WDR91: variants seen among roughly 807,000 people sequenced by gnomAD.
WDR91 encodes the protein WD repeat domain 91.
WDR91 carries 52 observed loss-of-function variants against 88.4 expected under a neutral mutation model. The ratio of observed to expected loss-of-function variants is 0.59; its 90% confidence interval spans 0.47 to 0.74. The LOEUF (loss-of-function observed/expected upper bound fraction) is 0.74, where lower values mean the gene tolerates loss of function less well. WDR91 is among the 30% of genes least tolerant of loss of function. The pLI is 0.00. For synonymous variants in WDR91, 362 were observed against 389.5 expected, an observed-to-expected ratio of 0.93 and a Z score of 0.83; for missense variants, 824 against 954.5, an observed-to-expected ratio of 0.86 and a Z score of 1.80.
intron 6 of WDR91, among the ~76,000 whole-genome samples, chr7:135,203,764 A>C (rs1243307153): frequency 6.6e-6 from 1 of 152,094 alleles, no homozygotes; most frequent in African/African-American, 2.4e-5. Context: ...AAGAGGGGAG[A>C]CTCTTCAAAG....
At chr7:135,198,326 T>A in intron 6 of WDR91, 175 bp from the exon 7 acceptor site, 1 of 635,628 alleles carries the variant, frequency 1.6e-6, no homozygotes, top group Non-Finnish European at 2.6e-6. Flanking sequence ...TATGACCTCC[T>A]CCTTTCTGTC....
rs1830923215 is a variant in WDR91, at chr7:135,186,031, T to A, written c.*120A>T. On this transcript the variant is annotated 3_prime_UTR_variant, in exon 15 of 15. Coordinates refer to ENST00000354475, the MANE Select transcript of WDR91 (RefSeq NM_014149.4). Reference sequence around the variant, plus strand: ...GCACCTGAGCCTCCTTGCCAGTCTTTCCCTGCAGAGTCACTGCACTGGCAG... The same window carrying A: ...GCACCTGAGCCTCCTTGCCAGTCTTACCCTGCAGAGTCACTGCACTGGCAG... The A allele has an allele frequency of 3.3e-6, 4 of 1,215,128 alleles. No homozygotes were observed. In the East Asian group the frequency reaches 8.4e-5, roughly 26 times the overall value. 75.3% of individuals were successfully genotyped at this position (1,215,128 alleles called of 1,614,324 possible). A position where few individuals can be genotyped will look rare whatever the true frequency, so the allele number is the denominator to read the frequency against.
At chr7:135,210,918 T>C in intron 1 of WDR91, 1 of 703,684 alleles carries the variant, frequency 1.4e-6, no homozygotes, top group South Asian at 1.5e-5. Flanking sequence ...AGAAGCAAAA[T>C]TGCCGATGAG....
intron 1 of WDR91, 73 bp downstream of exon 1, chr7:135,211,307 A>C (rs959376943): frequency 1.2e-5 from 18 of 1,525,520 alleles, no homozygotes; most frequent in Non-Finnish European, 1.6e-5. Flanking sequence ...CCCCGGAGGC[A>C]GTGCTGGGGG....
chr7:135,207,455 G>A, intron 3 of WDR91: 1 of 488,372 alleles, frequency 2.0e-6, no homozygotes, highest in South Asian at 1.5e-5. Flanking sequence ...AGCCCACAGA[G>A]GGGACATAAA....
chr7:135,208,877 G>C lies in WDR91; in HGVS notation c.425C>G (p.Thr142Ser). Residue 142 changes from threonine to serine, a missense_variant, in exon 3 of 15, where the codon ACC (threonine) becomes AGC (serine). Coordinates refer to ENST00000354475, the MANE Select transcript of WDR91 (RefSeq NM_014149.4). ...CTGTCGAGAAAAGTAGGTAGCAAAGGTGGGGTTGGTGTCCGGGGATGGCAG... is the reference window on the plus strand; with the variant it reads ...CTGTCGAGAAAAGTAGGTAGCAAAGCTGGGGTTGGTGTCCGGGGATGGCAG... ...PFLPSPDTNP[T>S]FATYFSRQWA... 1.9e-6 allele frequency: 3 copies of C among 1,614,188 alleles called. No individual in the cohort carries two copies. The highest frequency in any genetic ancestry group is 2.5e-6 in the Non-Finnish European group (3 of 1,180,036).
At position 135,185,497 on chromosome 7, in the gene WDR91, G is replaced by A. The variant is rs988916817; in HGVS notation, c.*654C>T. ...GGATGGAAAGGGGCAGCCAGTAGCA[G>A]AGGCCTCAGCCCCTGCCTTCATCCT... On this transcript the variant is annotated 3_prime_UTR_variant, in exon 15 of 15. Transcript: ENST00000354475. 5 of 152,242 alleles carry A rather than the reference G, an allele frequency of 3.3e-5. No homozygotes were observed. The highest frequency in any genetic ancestry group is 1.2e-4 in the African/African-American group (5 of 41,464). The allele number at this position is 152,242 out of a possible 1,614,324, so 9.4% of individuals were successfully genotyped here.
chr7:135,183,993 CTT>C lies in WDR91; in HGVS notation c.*2156_*2157del, dbSNP rs1830850127. 1.3e-5 allele frequency: 2 copies of C among 152,100 alleles called. No individual in the cohort carries two copies. Among genetic ancestry groups the C allele is most frequent in the Admixed American group, 1.3e-4 (2 of 15,270 alleles). 9.4% of individuals were successfully genotyped at this position (152,100 alleles called of 1,614,324 possible). A position where few individuals can be genotyped will look rare whatever the true frequency, so the allele number is the denominator to read the frequency against. On this transcript the variant is annotated 3_prime_UTR_variant, in exon 15 of 15. Coordinates refer to ENST00000354475, the MANE Select transcript of WDR91 (RefSeq NM_014149.4). ...GAGATGGTATTAAGGGGAGAGAAAA[CTT>C]TGAGATGACAAGAGGAAACGTTAAT...
intron 6 of WDR91, chr7:135,198,409 T>C (rs1831454859): frequency 4.4e-6 from 2 of 459,612 alleles, no homozygotes; most frequent in Non-Finnish European, 7.8e-6. Context: ...GAAGATGTCA[T>C]CTTGATCTAA....
At position 135,196,203 on chromosome 7, in the gene WDR91, G is replaced by C. The variant is rs781125301; in HGVS notation, c.1185C>G (p.Pro395=). Reference sequence around the variant, plus strand: ...ACTCCTCCTGTCCCAGCACAATAAAGGGCTGCTCGGGGCGGACTCCTCCAC... The same window carrying C: ...ACTCCTCCTGTCCCAGCACAATAAACGGCTGCTCGGGGCGGACTCCTCCAC... ...PEGGGVRPEQ[P]FIVLGQEEYG... is the part of the protein sequence containing the mutation. Residue 395 remains proline (P), a synonymous_variant, in exon 8 of 15, where the codon CCC becomes CCG. Transcript: ENST00000354475. This position sits in a 1 kb window ranked among gnomAD's most constrained non-coding sequence, Gnocchi z 4.2. The C allele has an allele frequency of 1.2e-5, 20 of 1,609,518 alleles. No homozygotes were observed. The East Asian group carries it at 4.0e-4, about 33-fold the overall frequency.
intron 13 of WDR91, among the ~76,000 whole-genome samples, chr7:135,187,696 T>C (rs1831003956): frequency 1.3e-5 from 2 of 152,200 alleles, no homozygotes; most frequent in African/African-American, 4.8e-5. Flanking sequence ...CAGCTTCTTA[T>C]CATAGCAGAC....
At position 135,187,112 on chromosome 7, in the gene WDR91, A is replaced by T. The variant is rs376904907; in HGVS notation, c.1939T>A (p.Ser647Thr). ...GLKVSEYSLPSDATGPFVLSG... is the reference protein window; with the variant it reads ...GLKVSEYSLPTDATGPFVLSG... ...AGCACAAAGGGGCCCGTGGCATCTG[A>T]GGGGAGGCTGTACTCGGATACCTTG... The change falls in exon 14 of 15, where the codon TCA becomes ACA. Residue 647 changes from serine to threonine, a missense_variant. By Grantham distance (58) the Ser-to-Thr change is moderately conservative. Coordinates refer to ENST00000354475, the MANE Select transcript of WDR91 (RefSeq NM_014149.4). 34 of 1,614,116 alleles carry T rather than the reference A, an allele frequency of 2.1e-5. No homozygotes were observed. In the African/African-American group the frequency reaches 4.0e-4, roughly 19 times the overall value.
rs1467110502 is a variant in WDR91 at position 135,205,908 on chromosome 7, G to A, written c.725+20C>T. The A allele has an allele frequency of 1.2e-5, 20 of 1,612,394 alleles. No homozygotes were observed. The South Asian group carries it at 1.8e-4, about 14-fold the overall frequency. ...AGCACAGAGGGCAAAGAAAAGGAAAGGGCCGTCACACACACTCACAGTTCC... is the reference window on the plus strand; with the variant it reads ...AGCACAGAGGGCAAAGAAAAGGAAAAGGCCGTCACACACACTCACAGTTCC... On this transcript the variant is annotated intron_variant, in intron 5 of 14. Coordinates refer to ENST00000354475, the MANE Select transcript of WDR91 (RefSeq NM_014149.4).
rs149902997 is a variant in WDR91, at chr7:135,211,473, C to T, written c.30G>A (p.Glu10=). 6.8e-5 allele frequency: 110 copies of T among 1,611,920 alleles called. No individual in the cohort carries two copies. The East Asian group carries it at 1.2e-3, about 18-fold the overall frequency. Residue 10 remains glutamate (E), a synonymous_variant, in exon 1 of 15, where the codon GAG becomes GAA. Transcript: ENST00000354475. ...GGAAGAGCAGGTACTCCCGGACCAG[C>T]TCGTCAGTGCGCTCCACGGCCTCCG... The part of the protein sequence containing the change: MAEAVERTD[E]LVREYLLFRG...
chr7:135,206,812 A>G (rs1223396981), intron 4 of WDR91, among the ~76,000 whole-genome samples: 3 of 151,848 alleles, frequency 2.0e-5, no homozygotes. Flanking sequence ...AAGACAAAAC[A>G]GACACATGAA....
intron 6 of WDR91, among the ~76,000 whole-genome samples, chr7:135,204,032 C>T (rs995984195): frequency 6.6e-6 from 1 of 152,202 alleles, no homozygotes; most frequent in African/African-American, 2.4e-5. Context: ...CCTCTCAAAT[C>T]GTCTGCTACA....
At chr7:135,205,013 T>G (rs1322735772) in intron 5 of WDR91, among the ~76,000 whole-genome samples, 2 of 152,204 alleles carry the variant, frequency 1.3e-5, no homozygotes, top group Non-Finnish European at 2.9e-5. Flanking sequence ...GGTGCAATAC[T>G]TGGCTATGTG....
At chr7:135,192,158 C>A (rs1401097385) in intron 11 of WDR91, among the ~76,000 whole-genome samples, 1 of 146,282 alleles carries the variant, frequency 6.8e-6, no homozygotes, top group East Asian at 2.0e-4. Flanking sequence ...CACTCTGTCA[C>A]CCAGGCTGGA....
intron 11 of WDR91, among the ~76,000 whole-genome samples, chr7:135,191,733 A>C (rs1228277092): frequency 6.6e-6 from 1 of 152,108 alleles, no homozygotes; most frequent in Non-Finnish European, 1.5e-5. Context: ...GATGTTCTGT[A>C]TAAACTGTGA....
Sources: allele counts gnomAD v4.1 joint callset (sites outside exome capture counted in the v4.1 genomes callset), GRCh38; gene constraint gnomAD v4.1.1; non-coding constraint Gnocchi (gnomAD v3.1); transcripts MANE v1.5; gene names NCBI Gene and HGNC (gene_info 2026-07-23, HGNC 2026-07-21).